FRAS1: variants seen among roughly 807,000 people sequenced by gnomAD.
FRAS1 encodes extracellular matrix organizing protein FRAS1.
FRAS1 carries 290 observed loss-of-function variants against 435.2 expected under a neutral mutation model. The observed-to-expected ratio is 0.67, with a 90% CI of 0.61 to 0.73. The LOEUF (loss-of-function observed/expected upper bound fraction) is 0.73, where lower values mean the gene tolerates loss of function less well. Among genes scored for constraint, FRAS1 ranks in the 30% least tolerant of loss-of-function variants. FRAS1 has a pLI of 0.00. For synonymous variants in FRAS1, 1,800 were observed against 1,851.0 expected, an observed-to-expected ratio of 0.97 and a Z score of 0.71; for missense variants, 4,860 against 5,001.5, an observed-to-expected ratio of 0.97 and a Z score of 0.85.
chr4:78,334,698 G>A (rs2110261469), intron 19 of FRAS1, among the ~76,000 whole-genome samples: 1 of 152,136 alleles, frequency 6.6e-6, no homozygotes, highest in Admixed American at 6.5e-5. Flanking sequence ...GTGATAAAAT[G>A]TTATATGTAC....
At chr4:78,274,245 T>C (rs1450666827) in intron 9 of FRAS1, among the ~76,000 whole-genome samples, 10 of 152,344 alleles carry the variant, frequency 6.6e-5, no homozygotes, top group Middle Eastern at 3.4e-3. Context: ...ATCAATTTTG[T>C]TGATCTTTTC....
Position 78,318,881 on chromosome 4 carries a change from G to A in FRAS1, c.2032G>A (p.Glu678Lys). Residue 678 changes from glutamate (E) to lysine (K), a missense_variant, in exon 18 of 74, where the codon GAA (glutamate) becomes AAA (lysine). Glu to Lys is a moderately conservative substitution (Grantham distance 56, BLOSUM62 1). Coordinates refer to ENST00000512123, the MANE Select transcript of FRAS1 (RefSeq NM_025074.7). Reference protein sequence around the residue: ...SHCTGCKKPEEGLQVEQLSDV... With the variant: ...SHCTGCKKPEKGLQVEQLSDV... ...CTGTACTGGGTGTAAGAAGCCAGAG[G>A]AAGGACTGCAAGTGGAGCAGCTGTC... 1.2e-6 allele frequency: 2 copies of A among 1,614,022 alleles called. No individual in the cohort carries two copies. The highest frequency in any genetic ancestry group is 1.7e-6 in the Non-Finnish European group (2 of 1,179,884).
chr4:78,273,487 C>A (rs1264063859), intron 9 of FRAS1, among the ~76,000 whole-genome samples: 1 of 152,164 alleles, frequency 6.6e-6, no homozygotes, highest in East Asian at 1.9e-4. Flanking sequence ...AGATACATAC[C>A]ATCAATACCT....
chr4:78,523,017 G>C (rs1201336505), intron 69 of FRAS1, among the ~76,000 whole-genome samples: 1 of 152,124 alleles, frequency 6.6e-6, no homozygotes. Context: ...CGAAGCTGCA[G>C]TTAGCCATGA....
In FRAS1 at chr4:78,479,622, G is replaced by A. The variant is rs762507852; in HGVS notation, c.8347G>A (p.Gly2783Arg). ...AGATGCCTCTGACAATGCCCGCATT[G>A]GAAGGGTGGCGACAGCCAAGGTGCT... ...LADASDNARI[G>R]RVATAKVLIS... is the part of the protein sequence containing the mutation. The change falls in exon 56 of 74, where the codon GGA (glycine) becomes AGA (arginine). Residue 2783 changes from glycine (G) to arginine (R), a missense_variant. Physicochemically the swap from Gly to Arg is moderately radical, Grantham distance 125 (BLOSUM62 -2). Coordinates refer to ENST00000512123, the MANE Select transcript of FRAS1 (RefSeq NM_025074.7). 6.8e-6 allele frequency: 11 copies of A among 1,613,910 alleles called. No individual in the cohort carries two copies. In the South Asian group the frequency reaches 1.2e-4, roughly 18 times the overall value.
chr4:78,344,691 T>G (rs1434649266), intron 20 of FRAS1, among the ~76,000 whole-genome samples: 1 of 152,068 alleles, frequency 6.6e-6, no homozygotes, highest in East Asian at 1.9e-4. Context: ...GGAGAGGCAC[T>G]GTTGGGAAAC....
chr4:78,539,266 C>T (rs921431196), intron 72 of FRAS1, 28 bp from the exon 73 acceptor site: 1 of 1,597,850 alleles, frequency 6.3e-7, no homozygotes, highest in African/African-American at 1.4e-5. Flanking sequence ...CTTTCTAAAT[C>T]TTGCATTTCT....
intron 2 of FRAS1, among the ~76,000 whole-genome samples, chr4:78,157,288 A>G (rs1720934945): frequency 6.6e-6 from 1 of 152,226 alleles, no homozygotes; most frequent in African/African-American, 2.4e-5. Context: ...ATGAACATGT[A>G]CATGCATATG....
chr4:78,069,540 T>C (rs772414877), intron 2 of FRAS1, among the ~76,000 whole-genome samples: 47 of 152,204 alleles, frequency 3.1e-4, no homozygotes, highest in Non-Finnish European at 6.0e-4. Flanking sequence ...AAACCAGCTC[T>C]GTGACATAGG....
intron 16 of FRAS1, among the ~76,000 whole-genome samples, chr4:78,316,222 C>T (rs1183635176): frequency 6.6e-6 from 1 of 152,188 alleles, no homozygotes; most frequent in African/African-American, 2.4e-5. Context: ...CAGACTTATG[C>T]AGCCTAAACT....
At chr4:78,206,611 A>AAT (rs142324689) in intron 2 of FRAS1, among the ~76,000 whole-genome samples, 52 of 152,292 alleles carry the variant, frequency 3.4e-4, no homozygotes, top group African/African-American at 1.2e-3. Context: ...TATTTGTGGG[A>AAT]ATACACCTCT....
intron 2 of FRAS1, among the ~76,000 whole-genome samples, chr4:78,201,679 A>C (rs1410114448): frequency 2.0e-5 from 3 of 152,226 alleles, no homozygotes; most frequent in African/African-American, 7.2e-5. Context: ...AGACAAAATA[A>C]AGTTAGTTTT....
At chr4:78,272,339 GC>G (rs1396812034) in intron 9 of FRAS1, among the ~76,000 whole-genome samples, 3 of 152,078 alleles carry the variant, frequency 2.0e-5, no homozygotes, top group Non-Finnish European at 4.4e-5. Flanking sequence ...GTCAATTTTG[GC>G]TTTTGTTGCC....
Position 78,482,312 on chromosome 4 carries a change from G to A in FRAS1, c.8605-76G>A, listed in dbSNP as rs1460473554. ...AAACCACCAAAGACAGGCAAGTTGT[G>A]ACCTTTGCCCTAGTCAAGGTAAATG... is the stretch of plus-strand genomic sequence containing the variant. On this transcript the variant is annotated intron_variant, in intron 57 of 73. Coordinates refer to ENST00000512123, the MANE Select transcript of FRAS1 (RefSeq NM_025074.7). 12 of 1,525,846 alleles carry A rather than the reference G, an allele frequency of 7.9e-6. No homozygotes were observed. The East Asian group carries it at 9.0e-5, about 11-fold the overall frequency. 94.5% of individuals were successfully genotyped at this position (1,525,846 alleles called of 1,614,324 possible). A position where few individuals can be genotyped will look rare whatever the true frequency, so the allele number is the denominator to read the frequency against.
Position 78,499,726 on chromosome 4 carries a change from A to G in FRAS1, c.9121A>G (p.Thr3041Ala). 1 of 1,613,576 alleles carries G rather than the reference A, an allele frequency of 6.2e-7. No homozygotes were observed. The highest frequency in any genetic ancestry group is 8.5e-7 in the Non-Finnish European group (1 of 1,179,692). The change falls in exon 61 of 74, where the codon ACC becomes GCC. Residue 3041 changes from threonine (T) to alanine (A), a missense_variant. By Grantham distance (58) the Thr-to-Ala change is moderately conservative (BLOSUM62 0). Transcript: ENST00000512123. ...ITISNDEDAP[T>A]IEFEEAAYQV... is the part of the protein sequence containing the mutation. The stretch of plus-strand genomic sequence containing the variant: ...TCCTAACCATATTTCCTTAGCCCCC[A>G]CCATTGAGTTTGAAGAAGCTGCATA...
chr4:78,540,657 C>G lies in FRAS1; in HGVS notation c.11572C>G (p.Pro3858Ala). 1 of 1,611,330 alleles carries G rather than the reference C, an allele frequency of 6.2e-7. No individual in the cohort carries two copies. Among genetic ancestry groups the G allele is most frequent in the Non-Finnish European group, 8.5e-7 (1 of 1,178,428 alleles). ...LRRNRRDLVE[P>A]DGQLILDDSL... The stretch of plus-strand genomic sequence containing the variant: ...ACGCAACCGAAGGGACCTGGTAGAG[C>G]CCGATGGCCAGCTGATCCTTGATGA... Residue 3858 changes from proline (P) to alanine (A), a missense_variant, in exon 74 of 74, where the codon CCC becomes GCC. Coordinates refer to ENST00000512123, the MANE Select transcript of FRAS1 (RefSeq NM_025074.7).
intron 2 of FRAS1, among the ~76,000 whole-genome samples, chr4:78,190,299 G>A (rs76503843): frequency 1.0e-3 from 158 of 152,078 alleles, no homozygotes; most frequent in African/African-American, 3.6e-3. Flanking sequence ...TTTCTCCCTG[G>A]AATACTCCCT....
intron 38 of FRAS1, among the ~76,000 whole-genome samples, chr4:78,433,812 CA>C (rs1380160180): frequency 6.6e-6 from 1 of 152,182 alleles, no homozygotes; most frequent in African/African-American, 2.4e-5. Context: ...AAATGTTTCA[CA>C]GTCCAAAATA....
intron 2 of FRAS1, among the ~76,000 whole-genome samples, chr4:78,210,297 T>A (rs765650086): frequency 2.8e-4 from 42 of 152,222 alleles, no homozygotes; most frequent in Non-Finnish European, 5.9e-4. Flanking sequence ...GTCTCTGTGT[T>A]CTCATTCTAA....
Sources: allele counts gnomAD v4.1 joint callset (sites outside exome capture counted in the v4.1 genomes callset), GRCh38; gene constraint gnomAD v4.1.1; transcripts MANE v1.5; gene names NCBI Gene and HGNC (gene_info 2026-07-23, HGNC 2026-07-21).